Variants in C1orf94 observed in about 807,000 individuals in gnomAD.
The protein encoded by C1orf94 is chromosome 1 open reading frame 94, also known as uncharacterized protein C1orf94.
In C1orf94, 45 loss-of-function variants were observed where a neutral mutation model predicts 53.6. The ratio of observed to expected loss-of-function variants is 0.84; its 90% CI spans 0.66 to 1.08. The LOEUF (loss-of-function observed/expected upper bound fraction) is 1.08. Ranked by LOEUF, C1orf94 falls within the 50% of genes least tolerant of loss-of-function variation. The pLI is 0.00. For synonymous variants in C1orf94, 304 were observed against 296.1 expected, an observed-to-expected ratio of 1.03 and a Z score of -0.27; for missense variants, 762 against 738.9, an observed-to-expected ratio of 1.03 and a Z score of -0.36.
intron 1 of C1orf94, among the ~76,000 whole-genome samples, chr1:34,189,912 G>T (rs1380057463): frequency 6.6e-6 from 1 of 152,206 alleles, no homozygotes; most frequent in African/African-American, 2.4e-5. Flanking sequence ...GCTGGGTTTT[G>T]AATCCAGGTC....
chr1:34,191,088 A>C (rs764234007), intron 1 of C1orf94, among the ~76,000 whole-genome samples: 1 of 152,206 alleles, frequency 6.6e-6, no homozygotes, highest in African/African-American at 2.4e-5. Context: ...TGCAAGTCCC[A>C]AGAGAAATAG....
At chr1:34,202,409 G>A (rs1642726257) in intron 4 of C1orf94, 150 bp downstream of exon 4, 2 of 841,678 alleles carry the variant, frequency 2.4e-6, no homozygotes, top group South Asian at 1.9e-5. Flanking sequence ...GGCTATGGAA[G>A]GGCGCTGTCA....
intron 1 of C1orf94, among the ~76,000 whole-genome samples, chr1:34,167,520 C>G (rs1490116718): frequency 6.6e-6 from 1 of 152,116 alleles, no homozygotes; most frequent in Non-Finnish European, 1.5e-5. Flanking sequence ...GGGCAGGGCA[C>G]CTATTTTATC....
intron 5 of C1orf94, among the ~76,000 whole-genome samples, chr1:34,212,000 A>G (rs570091480): frequency 6.6e-6 from 1 of 152,190 alleles, no homozygotes; most frequent in East Asian, 1.9e-4. Context: ...CCCATTTTGC[A>G]GATGGGGAAA....
intron 4 of C1orf94, among the ~76,000 whole-genome samples, chr1:34,206,371 T>A (rs550392600): frequency 6.6e-6 from 1 of 152,130 alleles, no homozygotes; most frequent in Non-Finnish European, 1.5e-5. Flanking sequence ...AAGATTCCCA[T>A]AGGGAAGCTC....
upstream of C1orf94, among the ~76,000 whole-genome samples, chr1:34,174,211 C>A (rs140580553): frequency 6.6e-6 from 1 of 152,250 alleles, no homozygotes. Context: ...AATTCTCCCT[C>A]TCTACACAAA....
Position 34,202,267 on chromosome 1 carries a change from A to G in C1orf94, c.1446+8A>G. ...ACCTTCTTGCAGTATCAGGTCAGTG[A>G]GCTGGCCTGGCTCTCCTGTGGACAT... On this transcript the variant is annotated splice_region_variant and intron_variant, in intron 4 of 6. Coordinates refer to ENST00000488417, the MANE Select transcript of C1orf94 (RefSeq NM_001134734.2). 1 of 1,613,426 alleles carries G rather than the reference A, an allele frequency of 6.2e-7. No individual in the cohort carries two copies. The highest frequency in any genetic ancestry group is 2.2e-5 in the East Asian group (1 of 44,842).
At chr1:34,201,481 T>G (rs1002120044) in intron 3 of C1orf94, among the ~76,000 whole-genome samples, 6 of 152,138 alleles carry the variant, frequency 3.9e-5, no homozygotes, top group Admixed American at 3.3e-4. Flanking sequence ...CACAACATCT[T>G]GTAGAAAGGA....
At chr1:34,217,869 G>T (rs1455137284) in intron 6 of C1orf94, among the ~76,000 whole-genome samples, 1 of 152,194 alleles carries the variant, frequency 6.6e-6, no homozygotes, top group African/African-American at 2.4e-5. Context: ...CTAGCCATTT[G>T]CTCTATTGTA....
intron 1 of C1orf94, among the ~76,000 whole-genome samples, chr1:34,168,693 C>T (rs1340910334): frequency 1.3e-5 from 2 of 152,198 alleles, no homozygotes; most frequent in African/African-American, 2.4e-5. Flanking sequence ...AGATGGCTGC[C>T]TTCTTCTCCC....
At chr1:34,201,112 C>A in intron 3 of C1orf94, 80 bp downstream of exon 3, 1 of 1,509,274 alleles carries the variant, frequency 6.6e-7, no homozygotes, top group Non-Finnish European at 8.9e-7. Context: ...GCTCTGTCAC[C>A]AAGTGGCTGT....
At chr1:34,199,143 G>GTGTA (rs1642651258) in intron 2 of C1orf94, among the ~76,000 whole-genome samples, 1 of 152,176 alleles carries the variant, frequency 6.6e-6, no homozygotes, top group African/African-American at 2.4e-5. Flanking sequence ...ACACATTTGT[G>GTGTA]CATATGTCTG....
chr1:34,217,761 T>C (rs1381490031), intron 6 of C1orf94, among the ~76,000 whole-genome samples: 3 of 152,234 alleles, frequency 2.0e-5, no homozygotes, highest in Non-Finnish European at 4.4e-5. Context: ...GCTTTTTGTT[T>C]CATCAATTCA....
intron 1 of C1orf94, among the ~76,000 whole-genome samples, chr1:34,185,323 G>A (rs1642369062): frequency 1.3e-5 from 2 of 152,118 alleles, no homozygotes; most frequent in Admixed American, 1.3e-4. Flanking sequence ...GAGATTACAG[G>A]CATGCACCTC....
intron 5 of C1orf94, among the ~76,000 whole-genome samples, chr1:34,211,367 T>C (rs770959467): frequency 2.0e-5 from 3 of 152,102 alleles, no homozygotes; most frequent in Non-Finnish European, 4.4e-5. Flanking sequence ...GGGGAGATAG[T>C]GGTCAACAAG....
chr1:34,175,814 T>C (rs1571333371), upstream of C1orf94, among the ~76,000 whole-genome samples: 1 of 152,106 alleles, frequency 6.6e-6, no homozygotes, highest in Admixed American at 6.5e-5. Flanking sequence ...GAAGTCGGCC[T>C]GGACCACCAT....
chr1:34,172,582 A>G (rs185139250), upstream of C1orf94, among the ~76,000 whole-genome samples: 13 of 152,314 alleles, frequency 8.5e-5, no homozygotes, highest in Admixed American at 3.3e-4. Context: ...GTCAGCTGCC[A>G]CCACCCGAGC....
intron 1 of C1orf94, among the ~76,000 whole-genome samples, chr1:34,187,689 G>A (rs1006315917): frequency 1.3e-5 from 2 of 150,382 alleles, no homozygotes; most frequent in African/African-American, 4.9e-5. Flanking sequence ...TCACTCTGTA[G>A]CTCCCAGCTG....
At chr1:34,216,485 T>G (rs766517118) in intron 6 of C1orf94, among the ~76,000 whole-genome samples, 18 of 151,954 alleles carry the variant, frequency 1.2e-4, no homozygotes, top group Non-Finnish European at 2.1e-4. Flanking sequence ...GTTGGGGTGG[T>G]GACGCGAGGT....
Sources: gnomAD v4.1 joint callset for allele counts (sites outside exome capture counted in the v4.1 genomes callset) on GRCh38, gnomAD v4.1.1 for gene constraint, MANE v1.5 for transcripts, NCBI Gene and HGNC (gene_info 2026-07-23, HGNC 2026-07-21) for gene names.